Variants in GRIN2A observed in about 807,000 individuals in gnomAD.
The protein encoded by GRIN2A is glutamate receptor ionotropic, NMDA 2A.
In GRIN2A, 22 loss-of-function variants were observed where a neutral mutation model predicts 113.4. The observed-to-expected ratio is 0.19, with a 90% CI of 0.14 to 0.28. GRIN2A has a LOEUF of 0.28. Among genes scored for constraint, GRIN2A ranks in the 10% least tolerant of loss-of-function variants. The pLI is 1.00. For missense variants in GRIN2A, 1,502 were observed against 1,887.0 expected, an observed-to-expected ratio of 0.80 and a Z score of 3.78; for synonymous variants, 827 against 738.4, an observed-to-expected ratio of 1.12 and a Z score of -1.94.
At chr16:10,052,530 C>G (rs1375438914) in intron 2 of GRIN2A, among the ~76,000 whole-genome samples, 2 of 152,204 alleles carry the variant, frequency 1.3e-5, no homozygotes, top group Non-Finnish European at 2.9e-5. Flanking sequence ...ATGAATGATG[C>G]TTCTAGCCAG....
chr16:9,796,525 G>T (rs1331110126), intron 11 of GRIN2A, among the ~76,000 whole-genome samples: 1 of 152,194 alleles, frequency 6.6e-6, no homozygotes, highest in Non-Finnish European at 1.5e-5. Context: ...CCTTGACCCT[G>T]AACTTGGCCA....
At chr16:9,975,168 C>T (rs1032957580) in intron 2 of GRIN2A, among the ~76,000 whole-genome samples, 1 of 152,020 alleles carries the variant, frequency 6.6e-6, no homozygotes, top group African/African-American at 2.4e-5. Context: ...TAAGTTAAAA[C>T]AAAGTGTGTA....
At chr16:10,017,881 C>T (rs1416729077) in intron 2 of GRIN2A, among the ~76,000 whole-genome samples, 1 of 152,160 alleles carries the variant, frequency 6.6e-6, no homozygotes, top group Non-Finnish European at 1.5e-5. Flanking sequence ...ACTTGCCCAA[C>T]CTTAGTCTCA....
intron 12 of GRIN2A, among the ~76,000 whole-genome samples, chr16:9,767,069 C>G (rs1471121603): frequency 6.6e-6 from 1 of 152,172 alleles, no homozygotes; most frequent in Non-Finnish European, 1.5e-5. Flanking sequence ...GTGCTAATCC[C>G]AGAATCATTT....
At chr16:10,112,433 G>C (rs1304860687) in intron 2 of GRIN2A, 4 of 749,596 alleles carry the variant, frequency 5.3e-6, no homozygotes. Context: ...AGGTGGCCAA[G>C]TACGCTCAGC....
Position 9,849,886 on chromosome 16 carries a change from C to T in GRIN2A, c.1198G>A (p.Glu400Lys), listed in dbSNP as rs766743064. The change falls in exon 5 of 13, where the codon GAG becomes AAG. Residue 400 changes from glutamate to lysine, a missense_variant. Around this residue, in one of 7 missense-constraint regions of GRIN2A, gnomAD observed 334 missense variants for 403.0 expected, o/e 0.83. Coordinates refer to ENST00000330684, the MANE Select transcript of GRIN2A (RefSeq NM_001134407.3). Reference sequence around the variant, plus strand: ...ATGCTGAGATGGTTGTCATCCGGCTCACAGTCGGAGAAGGACTTGTACCTG... The same window carrying T: ...ATGCTGAGATGGTTGTCATCCGGCTTACAGTCGGAGAAGGACTTGTACCTG... ...WPRYKSFSDC[E>K]PDDNHLSIVT... is the part of the protein sequence containing the mutation. 2.5e-6 allele frequency: 4 copies of T among 1,613,896 alleles called. No homozygotes were observed. Among genetic ancestry groups the T allele is most frequent in the South Asian group, 1.1e-5 (1 of 91,076 alleles).
At chr16:9,819,611 C>T (rs980985124) in intron 10 of GRIN2A, among the ~76,000 whole-genome samples, 22 of 151,680 alleles carry the variant, frequency 1.5e-4, no homozygotes, top group African/African-American at 5.1e-4. Flanking sequence ...GAAATTAAAT[C>T]TCCAGTAATG....
intron 9 of GRIN2A, among the ~76,000 whole-genome samples, chr16:9,826,508 G>T (rs1328250548): frequency 2.0e-5 from 3 of 151,828 alleles, no homozygotes; most frequent in Non-Finnish European, 2.9e-5. Flanking sequence ...TGTTACACAG[G>T]TATTCATGAT....
At chr16:9,956,205 C>A (rs1294341381) in intron 2 of GRIN2A, among the ~76,000 whole-genome samples, 1 of 152,186 alleles carries the variant, frequency 6.6e-6, no homozygotes, top group East Asian at 1.9e-4. Context: ...ATCCACTGTC[C>A]TGTGGGCTTT....
At chr16:9,934,678 T>TA (rs33916243) in intron 3 of GRIN2A, among the ~76,000 whole-genome samples, 2,398 of 50,840 alleles carry the variant, frequency 0.047, 381 homozygotes, top group African/African-American at 0.066. Context: ...AGACTCTGTC[T>TA]AAAAAAAAAA....
At chr16:10,078,876 G>A (rs1451444810) in intron 2 of GRIN2A, among the ~76,000 whole-genome samples, 1 of 152,210 alleles carries the variant, frequency 6.6e-6, no homozygotes, top group Non-Finnish European at 1.5e-5. Context: ...CTGACTGCCT[G>A]CCACATCACC....
intron 4 of GRIN2A, among the ~76,000 whole-genome samples, chr16:9,881,402 T>A (rs1285129457): frequency 6.6e-6 from 1 of 152,120 alleles, no homozygotes; most frequent in African/African-American, 2.4e-5. Flanking sequence ...TTACACAGAG[T>A]AAGTCTATGC....
In GRIN2A at chr16:9,764,408, G is replaced by C. The variant is rs763270712; in HGVS notation, c.3136C>G (p.Leu1046Val). The change falls in exon 13 of 13, where the codon CTA becomes GTA. Residue 1046 changes from leucine to valine, a missense_variant. By Grantham distance (32) the Leu-to-Val change is conservative (BLOSUM62 1). Transcript: ENST00000330684. ...EATAENRTHS[L>V]KSPRYLPEEM... ...TCTGGAAGATACCTAGGGCTCTTTA[G>C]GGAGTGGGTCCTATTCTCTGCTGTT... 6.2e-7 allele frequency: 1 copy of C among 1,614,080 alleles called. No individual in the cohort carries two copies. Among genetic ancestry groups the C allele is most frequent in the Non-Finnish European group, 8.5e-7 (1 of 1,179,966 alleles).
At chr16:10,056,030 C>T (rs1006799828) in intron 2 of GRIN2A, among the ~76,000 whole-genome samples, 7 of 152,174 alleles carry the variant, frequency 4.6e-5, no homozygotes, top group Non-Finnish European at 1.0e-4. Context: ...TACACTCCCT[C>T]ACCCACTAGA....
At chr16:10,154,272 G>A (rs375557249) in intron 2 of GRIN2A, among the ~76,000 whole-genome samples, 72 of 152,152 alleles carry the variant, frequency 4.7e-4, no homozygotes, top group African/African-American at 1.5e-3. Context: ...TTGCATGAAC[G>A]AGAAATAAGC....
intron 2 of GRIN2A, among the ~76,000 whole-genome samples, chr16:10,130,032 G>A (rs1013731158): frequency 6.6e-6 from 1 of 152,198 alleles, no homozygotes; most frequent in African/African-American, 2.4e-5. Context: ...GTGACTTGTA[G>A]GTTTGTAGTT....
intron 2 of GRIN2A, among the ~76,000 whole-genome samples, chr16:9,963,354 G>A (rs532068460): frequency 1.3e-5 from 2 of 152,082 alleles, no homozygotes; most frequent in East Asian, 3.9e-4. Flanking sequence ...CATGGTGGTT[G>A]GCTGCCCCTA....
chr16:9,849,674 A>G, intron 5 of GRIN2A, 82 bp downstream of exon 5: 1 of 987,926 alleles, frequency 1.0e-6, no homozygotes, highest in Non-Finnish European at 1.6e-6. Flanking sequence ...TTGTGATTCA[A>G]GTACACATAT....
intron 2 of GRIN2A, among the ~76,000 whole-genome samples, chr16:9,974,527 G>A (rs1171523461): frequency 6.6e-6 from 1 of 152,204 alleles, no homozygotes; most frequent in Non-Finnish European, 1.5e-5. Flanking sequence ...AAAAGGGACA[G>A]GAATTGCTCA....
Sources: gnomAD v4.1 joint callset for allele counts (sites outside exome capture counted in the v4.1 genomes callset) on GRCh38, gnomAD v4.1.1 for gene constraint, gnomAD v4.1.1 regional missense constraint, MANE v1.5 for transcripts, NCBI Gene and HGNC (gene_info 2026-07-23, HGNC 2026-07-21) for gene names.